The following PTPRM variants were observed in gnomAD, a reference collection of about 807,000 sequenced individuals.
The protein encoded by PTPRM is receptor-type tyrosine-protein phosphatase mu.
In PTPRM, 47 loss-of-function variants were observed where a neutral mutation model predicts 186.7. That is an observed-to-expected ratio of 0.25 (90% CI 0.20 to 0.32). The LOEUF (loss-of-function observed/expected upper bound fraction) is 0.32, where lower values mean the gene tolerates loss of function less well. Among genes scored for constraint, PTPRM ranks in the 10% least tolerant of loss-of-function variants. The pLI is 1.00. For missense variants in PTPRM, 1,494 were observed against 1,865.0 expected (o/e 0.80, Z 3.66); for synonymous variants, 668 against 674.9 (o/e 0.99, Z 0.16).
chr18:7,618,358 A>G (rs2037856290), intron 1 of PTPRM, among the ~76,000 whole-genome samples: 1 of 152,170 alleles, frequency 6.6e-6, no homozygotes, highest in Non-Finnish European at 1.5e-5. Context: ...ATTCTGATTT[A>G]CTGATTATTT....
At chr18:8,122,006 C>A (rs2092192496) in intron 13 of PTPRM, 1 of 151,900 alleles carries the variant, frequency 6.6e-6, no homozygotes, top group Non-Finnish European at 1.5e-5. Context: ...AACCTTGCAA[C>A]TGTGTCATAG....
At chr18:7,695,498 C>T (rs146791482) in intron 1 of PTPRM, among the ~76,000 whole-genome samples, 4 of 152,324 alleles carry the variant, frequency 2.6e-5, no homozygotes, top group African/African-American at 9.6e-5. Flanking sequence ...GTTTTAAGTG[C>T]ATTCAGCCAC....
intron 9 of PTPRM, among the ~76,000 whole-genome samples, chr18:8,085,224 A>G (rs2090368379): frequency 6.6e-6 from 1 of 152,096 alleles, no homozygotes; most frequent in Admixed American, 6.6e-5. Context: ...ACCCACATTG[A>G]TGAAAACACT....
chr18:8,108,381 C>T (rs73387770), intron 11 of PTPRM, among the ~76,000 whole-genome samples: 2,910 of 152,228 alleles, frequency 0.019, 87 homozygotes, highest in African/African-American at 0.067. Flanking sequence ...CTGTTCTCTT[C>T]CTTACCTCCC....
intron 5 of PTPRM, among the ~76,000 whole-genome samples, chr18:7,929,191 A>C (rs1040628891): frequency 2.0e-5 from 3 of 152,222 alleles, no homozygotes; most frequent in Non-Finnish European, 2.9e-5. Context: ...TACAACACAC[A>C]TTCTAAATCA....
intron 19 of PTPRM, among the ~76,000 whole-genome samples, chr18:8,266,568 T>A (rs191658834): frequency 6.6e-6 from 1 of 152,198 alleles, no homozygotes; most frequent in Non-Finnish European, 1.5e-5. Context: ...CTTTTCCAAT[T>A]TCTATTGTCT....
intron 2 of PTPRM, among the ~76,000 whole-genome samples, chr18:7,781,147 C>T (rs957117284): frequency 2.0e-5 from 3 of 152,114 alleles, no homozygotes; most frequent in Non-Finnish European, 4.4e-5. Flanking sequence ...TTTGACTCAG[C>T]TAAATGGGCA....
chr18:8,397,822 T>C (rs2095852333), intron 32 of PTPRM, among the ~76,000 whole-genome samples: 1 of 152,202 alleles, frequency 6.6e-6, no homozygotes, highest in South Asian at 2.1e-4. Context: ...GGCTCTGTTT[T>C]AACATAGAAA....
intron 25 of PTPRM, 92 bp from the exon 26 acceptor site, chr18:8,376,370 T>A: frequency 6.3e-7 from 1 of 1,580,492 alleles, no homozygotes; most frequent in East Asian, 2.2e-5. Flanking sequence ...TAATTTTATA[T>A]TATGTAAATT....
chr18:8,071,204 C>G (rs1054557818), intron 8 of PTPRM, among the ~76,000 whole-genome samples: 1 of 152,200 alleles, frequency 6.6e-6, no homozygotes, highest in African/African-American at 2.4e-5. Context: ...TCTTCCAACT[C>G]TCTCTCATCT....
At chr18:7,765,526 T>C (rs564872421) in intron 1 of PTPRM, among the ~76,000 whole-genome samples, 7 of 152,306 alleles carry the variant, frequency 4.6e-5, no homozygotes, top group Non-Finnish European at 1.0e-4. Flanking sequence ...AAGCAGGGCC[T>C]CTGCTATGTT....
intron 7 of PTPRM, among the ~76,000 whole-genome samples, chr18:8,039,566 G>A (rs6417046): frequency 0.65 from 98,147 of 152,004 alleles, 31,932 homozygotes; most frequent in African/African-American, 0.71. Context: ...AATTACATAT[G>A]TATGGTATAA....
chr18:8,313,101 G>C (rs568058143), intron 20 of PTPRM, among the ~76,000 whole-genome samples: 1 of 152,164 alleles, frequency 6.6e-6, no homozygotes, highest in Non-Finnish European at 1.5e-5. Flanking sequence ...AAAAGGGTCC[G>C]TCATCTGCAG....
chr18:8,346,467 G>A (rs1287566508), intron 23 of PTPRM, among the ~76,000 whole-genome samples: 2 of 152,200 alleles, frequency 1.3e-5, no homozygotes, highest in East Asian at 3.9e-4. Context: ...CCTATTGGGT[G>A]AGGGCCCCAC....
intron 7 of PTPRM, among the ~76,000 whole-genome samples, chr18:8,039,844 G>A (rs919453788): frequency 6.6e-6 from 1 of 152,140 alleles, no homozygotes; most frequent in South Asian, 2.1e-4. Context: ...AGGCCATGTA[G>A]ATAAGGCTGG....
chr18:7,787,446 A>G (rs2043145232), intron 2 of PTPRM, among the ~76,000 whole-genome samples: 1 of 152,212 alleles, frequency 6.6e-6, no homozygotes, highest in African/African-American at 2.4e-5. Flanking sequence ...GTTACTGCAC[A>G]TGCTTTGGCT....
At chr18:8,384,820 G>T in intron 30 of PTPRM, 134 bp downstream of exon 30, 1 of 1,117,400 alleles carries the variant, frequency 8.9e-7, no homozygotes, top group Non-Finnish European at 1.3e-6. Flanking sequence ...AAAAAACATA[G>T]ATTCCTGACC....
intron 2 of PTPRM, among the ~76,000 whole-genome samples, chr18:7,789,071 C>T (rs1231958050): frequency 6.6e-6 from 1 of 152,128 alleles, no homozygotes; most frequent in Non-Finnish European, 1.5e-5. Flanking sequence ...CCTGTAATCC[C>T]AGCATTTTGG....
At chr18:8,208,783 A>G (rs531068206) in intron 14 of PTPRM, among the ~76,000 whole-genome samples, 4 of 152,310 alleles carry the variant, frequency 2.6e-5, no homozygotes, top group Admixed American at 2.6e-4. Context: ...AAGTGTTGGG[A>G]TTACAGGTGT....
Sources: allele counts gnomAD v4.1 joint callset (sites outside exome capture counted in the v4.1 genomes callset), GRCh38; gene constraint gnomAD v4.1.1; transcripts MANE v1.5; gene names NCBI Gene and HGNC (gene_info 2026-07-23, HGNC 2026-07-21).